The following LRBA variants were observed in gnomAD, a reference collection of about 807,000 sequenced individuals.
The protein encoded by LRBA is lipopolysaccharide-responsive and beige-like anchor protein.
LRBA carries 176 observed loss-of-function variants against 330.0 expected under a neutral mutation model. The observed-to-expected ratio is 0.53, with a 90% CI of 0.47 to 0.60. The LOEUF is 0.60. LRBA is among the 20% of genes least tolerant of loss of function. The probability of loss-of-function intolerance (pLI) is 0.00; values close to 1 mark genes in which losing one functional copy is unlikely to be tolerated. For synonymous variants in LRBA, 1,230 were observed against 1,193.0 expected, an observed-to-expected ratio of 1.03 and a Z score of -0.64; for missense variants, 3,259 against 3,444.8, an observed-to-expected ratio of 0.95 and a Z score of 1.35.
chr4:150,488,299 G>A (rs1758130696), intron 41 of LRBA, among the ~76,000 whole-genome samples: 1 of 151,622 alleles, frequency 6.6e-6, no homozygotes, highest in Non-Finnish European at 1.5e-5. Context: ...ATATAGCTAT[G>A]AAATAATCAG....
intron 36 of LRBA, among the ~76,000 whole-genome samples, chr4:150,734,777 T>C (rs1187721631): frequency 1.3e-5 from 2 of 152,190 alleles, no homozygotes; most frequent in Non-Finnish European, 2.9e-5. Flanking sequence ...GAGAGGTGTG[T>C]GCTCCCTCAT....
intron 40 of LRBA, among the ~76,000 whole-genome samples, chr4:150,503,122 G>A (rs1289754409): frequency 6.6e-6 from 1 of 152,224 alleles, no homozygotes; most frequent in African/African-American, 2.4e-5. Flanking sequence ...CTCCACCTCT[G>A]GGGGCATGGC....
intron 4 of LRBA, among the ~76,000 whole-genome samples, chr4:150,928,122 T>C (rs373197395): frequency 1.1e-4 from 16 of 152,194 alleles, no homozygotes; most frequent in African/African-American, 3.6e-4. Flanking sequence ...GTAGATCCAA[T>C]TAACTGCAGA....
intron 16 of LRBA, among the ~76,000 whole-genome samples, chr4:150,895,846 G>A (rs1730020356): frequency 1.3e-5 from 2 of 152,164 alleles, no homozygotes; most frequent in African/African-American, 4.8e-5. Context: ...CTAGATCCCT[G>A]AGGAATCGCC....
At position 150,585,778 on chromosome 4, in the gene LRBA, T is replaced by A. The variant is rs1581747910; in HGVS notation, c.6330+2270A>T. ...CAAATGAGAGGTGTAGAGAAAAATG[T>A]TTTTAAAGGCAATTTTAAAGATCAG... On this transcript the variant is annotated intron_variant, in intron 40 of 56. Coordinates refer to ENST00000651943, the MANE Select transcript of LRBA (RefSeq NM_001364905.1). 3.9e-5 allele frequency among the ~76,000 whole-genome samples: 6 copies of A among 152,228 alleles called. 1 individual carries two copies. The highest frequency in any genetic ancestry group is 3.9e-4 in the Admixed American group (6 of 15,284).
intron 40 of LRBA, among the ~76,000 whole-genome samples, chr4:150,571,649 GTTTTTTTTTT>G (rs58652637): frequency 0.011 from 835 of 74,610 alleles, 14 homozygotes; most frequent in African/African-American, 0.036. Flanking sequence ...CTGGTTAGTT[GTTTTTTTTTT>G]TTTTTTTTTT....
intron 37 of LRBA, among the ~76,000 whole-genome samples, chr4:150,647,464 T>A (rs1779270182): frequency 7.1e-6 from 1 of 140,928 alleles, no homozygotes; most frequent in Non-Finnish European, 1.5e-5. Flanking sequence ...GCTCAAATAA[T>A]CCTCCTACCT....
chr4:150,613,792 C>T (rs1295015019), intron 37 of LRBA, among the ~76,000 whole-genome samples: 3 of 152,218 alleles, frequency 2.0e-5, no homozygotes, highest in Non-Finnish European at 4.4e-5. Context: ...TGCACATTTA[C>T]ATTCCTAGCC....
At chr4:150,888,934 G>A (rs187754843) in intron 17 of LRBA, among the ~76,000 whole-genome samples, 56 of 152,254 alleles carry the variant, frequency 3.7e-4, no homozygotes, top group African/African-American at 1.3e-3. Flanking sequence ...TGTGCAGATA[G>A]AGAGAGAGAC....
chr4:150,797,562 A>C (rs76722906), intron 34 of LRBA, among the ~76,000 whole-genome samples: 4,224 of 152,120 alleles, frequency 0.028, 184 homozygotes, highest in African/African-American at 0.096. Context: ...AACACCTAAA[A>C]TAATTTTGCT....
chr4:150,613,741 T>G (rs939079684), intron 37 of LRBA, among the ~76,000 whole-genome samples: 16 of 152,350 alleles, frequency 1.1e-4, no homozygotes, highest in African/African-American at 3.8e-4. Flanking sequence ...TGGCGGGAGT[T>G]GCAGCTAAGG....
rs1042076088 is a variant in LRBA, at chr4:150,402,522, C to T, written c.7194+12916G>A. Among the ~76,000 whole-genome samples the T allele has an allele frequency of 7.2e-5, 11 of 151,992 alleles. No individual in the cohort carries two copies. In the East Asian group the frequency reaches 7.7e-4, roughly 11 times the overall value. On this transcript the variant is annotated intron_variant, in intron 47 of 56. Transcript: ENST00000651943. ...AAATAAAAACCAGGTACTATAGTCA[C>T]GGCATTTAATACAATAAAAATAATA...
chr4:150,265,671 C>A lies in LRBA; in HGVS notation c.*51G>T. 1 of 1,134,054 alleles carries A rather than the reference C, an allele frequency of 8.8e-7. No individual in the cohort carries two copies. Among genetic ancestry groups the A allele is most frequent in the South Asian group, 1.2e-5 (1 of 81,086 alleles). 70.2% of individuals were successfully genotyped at this position (1,134,054 alleles called of 1,614,324 possible). A position where few individuals can be genotyped will look rare whatever the true frequency, so the allele number is the denominator to read the frequency against. ...AGATGTGGTAGAAGAGAATGATGCT[C>A]CAGGTACTTCTGCTCATCCTAGGGG... is the stretch of plus-strand genomic sequence containing the variant. On this transcript the variant is annotated 3_prime_UTR_variant, in exon 57 of 57. Transcript: ENST00000651943.
chr4:151,010,598 G>C (rs1012721969), intron 2 of LRBA, among the ~76,000 whole-genome samples: 4 of 152,108 alleles, frequency 2.6e-5, no homozygotes, highest in Admixed American at 2.6e-4. Context: ...AAAAAACTCT[G>C]GGCCAGGCAC....
chr4:150,589,072 C>CACACAGAG (rs1222798355), intron 39 of LRBA, among the ~76,000 whole-genome samples: 4 of 148,744 alleles, frequency 2.7e-5, no homozygotes, highest in African/African-American at 9.8e-5. Context: ...CACACACACA[C>CACACAGAG]AGAGAGAGAG....
intron 50 of LRBA, among the ~76,000 whole-genome samples, chr4:150,316,884 C>T (rs1731791567): frequency 6.6e-6 from 1 of 152,108 alleles, no homozygotes; most frequent in Admixed American, 6.5e-5. Context: ...TTATGGGTTT[C>T]TGTTAACCAA....
intron 2 of LRBA, among the ~76,000 whole-genome samples, chr4:150,998,065 G>T (rs543915555): frequency 3.4e-4 from 52 of 151,820 alleles, no homozygotes; most frequent in African/African-American, 1.2e-3. Context: ...AAGAGATAGG[G>T]TCTCGGCCGG....
intron 42 of LRBA, among the ~76,000 whole-genome samples, chr4:150,478,053 G>T (rs1451534423): frequency 6.6e-6 from 1 of 152,138 alleles, no homozygotes; most frequent in Non-Finnish European, 1.5e-5. Flanking sequence ...GGGCAGGGAT[G>T]TCCTGTTTCC....
At chr4:150,935,764 TG>T (rs1281091983) in intron 2 of LRBA, among the ~76,000 whole-genome samples, 1 of 151,904 alleles carries the variant, frequency 6.6e-6, no homozygotes, top group Non-Finnish European at 1.5e-5. Flanking sequence ...AATAAAAGGT[TG>T]GTACAAATAA....
Sources: allele counts gnomAD v4.1 joint callset (sites outside exome capture counted in the v4.1 genomes callset), GRCh38; gene constraint gnomAD v4.1.1; transcripts MANE v1.5; gene names NCBI Gene and HGNC (gene_info 2026-07-23, HGNC 2026-07-21).